CYP19A1: variants seen among roughly 807,000 people sequenced by gnomAD.
CYP19A1 encodes the protein aromatase.
CYP19A1 carries 32 observed loss-of-function variants against 44.4 expected under a neutral mutation model. That is an observed-to-expected ratio of 0.72 (90% CI 0.54 to 0.97). CYP19A1 has a LOEUF of 0.97. Ranked by LOEUF, CYP19A1 falls within the 50% of genes least tolerant of loss-of-function variation. The pLI, the probability that CYP19A1 is intolerant of heterozygous loss-of-function variation, is 0.00. For missense variants in CYP19A1, 598 were observed against 637.8 expected (o/e 0.94, Z 0.67); for synonymous variants, 212 against 215.6 (o/e 0.98, Z 0.14).
intron 2 of CYP19A1, 142 bp downstream of exon 2, chr15:51,242,626 T>G: frequency 1.5e-6 from 1 of 667,786 alleles, no homozygotes; most frequent in Non-Finnish European, 2.7e-6. Flanking sequence ...TTCTCCCAAG[T>G]CCTCATTTGC....
At chr15:51,225,699 C>T (rs1175911817) in intron 4 of CYP19A1, among the ~76,000 whole-genome samples, 2 of 152,100 alleles carry the variant, frequency 1.3e-5, no homozygotes, top group African/African-American at 4.8e-5. Context: ...GTCATAATCC[C>T]CAGAACCTAC....
At chr15:51,306,243 A>G (rs1189455353) in intron 1 of CYP19A1, among the ~76,000 whole-genome samples, 1 of 152,230 alleles carries the variant, frequency 6.6e-6, no homozygotes, top group Non-Finnish European at 1.5e-5. Flanking sequence ...ACTCGGGTAC[A>G]CACAAGCACT....
chr15:51,269,602 C>T (rs921696144), intron 1 of CYP19A1, among the ~76,000 whole-genome samples: 1 of 152,060 alleles, frequency 6.6e-6, no homozygotes, highest in Non-Finnish European at 1.5e-5. Flanking sequence ...ACAGTTCCAC[C>T]CTATGGATTC....
At position 51,210,832 on chromosome 15, in the gene CYP19A1, G is replaced by A. The variant is rs374079882; in HGVS notation, c.1488C>T (p.Asn496=). 4.4e-5 allele frequency: 70 copies of A among 1,596,364 alleles called. No homozygotes were observed. Among genetic ancestry groups the A allele is most frequent in the Non-Finnish European group, 5.8e-5 (68 of 1,163,902 alleles). The change falls in exon 10 of 10, where the codon AAC becomes AAT. Residue 496 remains asparagine, a synonymous_variant. Coordinates refer to ENST00000396402, the MANE Select transcript of CYP19A1 (RefSeq NM_000103.4). ...TCTAGTGTTCCAGACACCTGTCTGA[G>A]TTTCTTGGGGTAAAGATCATTTCCA... ...NMLEMIFTPR[N]SDRCLEH
chr15:51,215,905 G>T, intron 6 of CYP19A1, 88 bp from the exon 7 acceptor site: 12 of 1,592,404 alleles, frequency 7.5e-6, no homozygotes, highest in Non-Finnish European at 1.0e-5. Context: ...TAGGTAAAAT[G>T]ATCTGCTTTA....
chr15:51,336,442 A>G (rs1475317980), intron 1 of CYP19A1, among the ~76,000 whole-genome samples: 4 of 152,224 alleles, frequency 2.6e-5, no homozygotes, highest in African/African-American at 7.2e-5. Context: ...AGTTAAAACC[A>G]TAAGAGGCTG....
At position 51,212,576 on chromosome 15, in the gene CYP19A1, A is replaced by G. The variant is rs777421246; in HGVS notation, c.1022-15T>C. On this transcript the variant is annotated splice_polypyrimidine_tract_variant and intron_variant, in intron 8 of 9. Transcript: ENST00000396402. ...GTCTCTCTCACCTGTGGAAACAGAT[A>G]AAAGGAACAAAGAAGGTAATGTTAG... 7.0e-7 allele frequency: 1 copy of G among 1,418,940 alleles called. No individual in the cohort carries two copies. Among genetic ancestry groups the G allele is most frequent in the Non-Finnish European group, 1.0e-6 (1 of 1,001,774 alleles). The allele number at this position is 1,418,940 out of a possible 1,614,324, so 87.9% of individuals were successfully genotyped here. A position where few individuals can be genotyped will look rare whatever the true frequency, so the allele number is the denominator to read the frequency against.
chr15:51,214,770 G>A (rs1030727893), intron 8 of CYP19A1, among the ~76,000 whole-genome samples: 2 of 152,204 alleles, frequency 1.3e-5, no homozygotes, highest in African/African-American at 4.8e-5. Flanking sequence ...CCACTGGAGA[G>A]GGGAGATGAG....
chr15:51,240,724 T>C (rs1595709792), intron 2 of CYP19A1, among the ~76,000 whole-genome samples: 1 of 152,336 alleles, frequency 6.6e-6, no homozygotes, highest in South Asian at 2.1e-4. Flanking sequence ...ACTACCTGTC[T>C]AGCAAAATGA....
chr15:51,282,439 A>G (rs1225171955), intron 1 of CYP19A1, among the ~76,000 whole-genome samples: 1 of 152,240 alleles, frequency 6.6e-6, no homozygotes. Flanking sequence ...ATATGCTTCA[A>G]AGGAAATGCT....
At position 51,304,129 on chromosome 15, in the gene CYP19A1, T is replaced by A. The variant is rs1246663144; in HGVS notation, c.-39+34366A>T. On this transcript the variant is annotated intron_variant, in intron 1 of 9. Coordinates refer to ENST00000396402, the MANE Select transcript of CYP19A1 (RefSeq NM_000103.4). ...TCTCAGGGCACTTTGGTTTAAAATATTGACCTTGTATTTAGTATTTTGCTA... is the reference window on the plus strand; with the variant it reads ...TCTCAGGGCACTTTGGTTTAAAATAATGACCTTGTATTTAGTATTTTGCTA... 3.3e-5 allele frequency among the ~76,000 whole-genome samples: 5 copies of A among 152,224 alleles called. No individual in the cohort carries two copies. The East Asian group carries it at 9.6e-4, about 29-fold the overall frequency.
chr15:51,249,101 G>A (rs752942239), intron 1 of CYP19A1, among the ~76,000 whole-genome samples: 5 of 151,926 alleles, frequency 3.3e-5, no homozygotes, highest in Admixed American at 1.3e-4. Context: ...TACCACGCCC[G>A]TCCAATTTTT....
chr15:51,215,570 T>C (rs755207039), intron 7 of CYP19A1, 133 bp downstream of exon 7: 3 of 1,548,310 alleles, frequency 1.9e-6, no homozygotes, highest in Admixed American at 1.9e-5. Flanking sequence ...GCTATTTGGA[T>C]TGGGATTACA....
intron 1 of CYP19A1, among the ~76,000 whole-genome samples, chr15:51,307,491 T>C (rs936115592): frequency 2.0e-5 from 3 of 152,080 alleles, no homozygotes; most frequent in African/African-American, 7.2e-5. Context: ...TAATTAAGAG[T>C]GTCAGAGATT....
chr15:51,317,665 C>T (rs2036452615), intron 1 of CYP19A1, among the ~76,000 whole-genome samples: 1 of 152,110 alleles, frequency 6.6e-6, no homozygotes, highest in African/African-American at 2.4e-5. Flanking sequence ...ACCATGTGGG[C>T]ATGAAGAGGA....
chr15:51,298,695 T>G (rs1371725940), intron 1 of CYP19A1, among the ~76,000 whole-genome samples: 1 of 152,258 alleles, frequency 6.6e-6, no homozygotes, highest in Non-Finnish European at 1.5e-5. Context: ...CATTTGCTTC[T>G]GAGGCTCCGA....
At position 51,227,836 on chromosome 15, in the gene CYP19A1, T is replaced by C; in HGVS notation, c.394A>G (p.Ile132Val). The C allele has an allele frequency of 2.0e-6, 3 of 1,537,004 alleles. No homozygotes were observed. Among genetic ancestry groups the C allele is most frequent in the Non-Finnish European group, 2.7e-6 (3 of 1,109,734 alleles). Reference sequence around the variant, plus strand: ...AGCTCTGGATTGTTGTTAAATATGATGCCTTTCTCATGCATACCGATGCAC... The same window carrying C: ...AGCTCTGGATTGTTGTTAAATATGACGCCTTTCTCATGCATACCGATGCAC... ...LQCIGMHEKG[I>V]IFNNNPELWK... The change falls in exon 4 of 10, where the codon ATC (isoleucine) becomes GTC (valine). Residue 132 changes from isoleucine (I) to valine (V), a missense_variant. By Grantham distance (29) the Ile-to-Val change is conservative. Transcript: ENST00000396402.
At chr15:51,275,631 G>A (rs972636664) in intron 1 of CYP19A1, among the ~76,000 whole-genome samples, 4 of 152,204 alleles carry the variant, frequency 2.6e-5, no homozygotes, top group African/African-American at 9.6e-5. Flanking sequence ...AAAACTGCAC[G>A]TTGTAAATTG....
chr15:51,279,635 C>T (rs970543783), intron 1 of CYP19A1, among the ~76,000 whole-genome samples: 5 of 152,250 alleles, frequency 3.3e-5, no homozygotes, highest in Non-Finnish European at 7.3e-5. Context: ...ATGACATATA[C>T]ATTTCCCTTA....
Sources: gnomAD v4.1 joint callset for allele counts (sites outside exome capture counted in the v4.1 genomes callset) on GRCh38, gnomAD v4.1.1 for gene constraint, MANE v1.5 for transcripts, NCBI Gene and HGNC (gene_info 2026-07-23, HGNC 2026-07-21) for gene names.